The following WBP1L variants were observed in gnomAD, a reference collection of about 807,000 sequenced individuals.
WBP1L encodes WW domain binding protein 1 like, also known as WW domain binding protein 1-like.
WBP1L carries 17 observed loss-of-function variants against 33.7 expected under a neutral mutation model. The observed-to-expected ratio is 0.50, with a 90% CI of 0.34 to 0.76. The LOEUF (loss-of-function observed/expected upper bound fraction) is 0.76, where lower values mean the gene tolerates loss of function less well. Among genes scored for constraint, WBP1L ranks in the 30% least tolerant of loss-of-function variants. The pLI is 0.01. For missense variants in WBP1L, 389 were observed against 469.4 expected (o/e 0.83, Z 1.58); for synonymous variants, 173 against 190.8 (o/e 0.91, Z 0.77).
chr10:102,794,081 C>A (rs777499969), intron 1 of WBP1L, among the ~76,000 whole-genome samples: 1 of 152,190 alleles, frequency 6.6e-6, no homozygotes, highest in Middle Eastern at 3.4e-3. Context: ...CCAGCGAACT[C>A]TTAACTACTT....
In WBP1L at chr10:102,813,254, C is replaced by T. The variant is rs1590197079; in HGVS notation, c.1015C>T (p.Pro339Ser). Residue 339 changes from proline to serine, a missense_variant, in exon 4 of 4, where the codon CCG (proline) becomes TCG (serine). Transcript: ENST00000448841. ...GCCTGGGCACCCGCACCTGCCACGG[C>T]CGCCCGCATGCCTGCTGCTGAACAC... Reference protein sequence around the residue: ...REPGHPHLPRPPACLLLNTIN... With the variant: ...REPGHPHLPRSPACLLLNTIN... 1 of 1,613,050 alleles carries T rather than the reference C, an allele frequency of 6.2e-7. No homozygotes were observed. Among genetic ancestry groups the T allele is most frequent in the East Asian group, 2.2e-5 (1 of 44,860 alleles).
At chr10:102,802,420 G>A (rs1843671297) in intron 2 of WBP1L, among the ~76,000 whole-genome samples, 1 of 147,778 alleles carries the variant, frequency 6.8e-6, no homozygotes. Flanking sequence ...CCCATTGTTA[G>A]CAAGAGCTCA....
chr10:102,756,920 A>C (rs1238751469), intron 1 of WBP1L, among the ~76,000 whole-genome samples: 1 of 149,982 alleles, frequency 6.7e-6, no homozygotes, highest in Non-Finnish European at 1.5e-5. Flanking sequence ...CAGAGTCTCG[A>C]TCTGTTGCCC....
In WBP1L at chr10:102,743,977, G is replaced by C; in HGVS notation, c.-77G>C. On this transcript the variant is annotated 5_prime_UTR_variant, in exon 1 of 4. Transcript: ENST00000448841. Reference sequence around the variant, plus strand: ...AACAGGAAAAGAAGGGAAGAAGGAAGAAGAGGGTAGAGGAGGAGAGGGAGG... The same window carrying C: ...AACAGGAAAAGAAGGGAAGAAGGAACAAGAGGGTAGAGGAGGAGAGGGAGG... 9.0e-7 allele frequency: 1 copy of C among 1,107,234 alleles called. No individual in the cohort carries two copies. The highest frequency in any genetic ancestry group is 1.4e-5 in the South Asian group (1 of 70,992). The allele number at this position is 1,107,234 out of a possible 1,614,324, so 68.6% of individuals were successfully genotyped here.
At chr10:102,791,726 G>A (rs550643238) in intron 1 of WBP1L, among the ~76,000 whole-genome samples, 59 of 152,288 alleles carry the variant, frequency 3.9e-4, no homozygotes, top group African/African-American at 1.3e-3. Context: ...CAAGATATTT[G>A]GTGTCCTGTG....
chr10:102,810,074 C>T lies in WBP1L; in HGVS notation c.355+20C>T, dbSNP rs1482589814. Reference sequence around the variant, plus strand: ...ATTTCAGTACGTACACCCAAGCCCCCATACCCACCCTCAGGAGCTCAGGTG... The same window carrying T: ...ATTTCAGTACGTACACCCAAGCCCCTATACCCACCCTCAGGAGCTCAGGTG... On this transcript the variant is annotated intron_variant, in intron 3 of 3. Coordinates refer to ENST00000448841, the MANE Select transcript of WBP1L (RefSeq NM_001083913.2). 3.1e-6 allele frequency: 5 copies of T among 1,592,782 alleles called. No individual in the cohort carries two copies. The Admixed American group carries it at 5.2e-5, about 17-fold the overall frequency.
intron 1 of WBP1L, among the ~76,000 whole-genome samples, chr10:102,752,490 G>GT (rs1265333409): frequency 1.3e-5 from 2 of 152,070 alleles, no homozygotes; most frequent in Admixed American, 1.3e-4. Context: ...TTGAAAACAC[G>GT]TTTTTTTGAT....
chr10:102,761,126 T>G (rs1333760020), intron 1 of WBP1L, among the ~76,000 whole-genome samples: 9 of 146,502 alleles, frequency 6.1e-5, no homozygotes, highest in Non-Finnish European at 1.2e-4. Flanking sequence ...AGGCTGTTTT[T>G]TTTTTTTTTT....
intron 2 of WBP1L, among the ~76,000 whole-genome samples, chr10:102,806,814 G>A (rs990527562): frequency 1.3e-5 from 2 of 152,164 alleles, no homozygotes; most frequent in Non-Finnish European, 2.9e-5. Context: ...CTTGGTGGAG[G>A]GCAGCTTTGT....
chr10:102,776,879 A>G (rs1164929382), intron 1 of WBP1L, among the ~76,000 whole-genome samples: 1 of 152,018 alleles, frequency 6.6e-6, no homozygotes, highest in Non-Finnish European at 1.5e-5. Context: ...CTTTTAAAGG[A>G]AAGGCTTTCT....
Position 102,816,252 on chromosome 10 carries a change from G to T in WBP1L, c.*2921G>T, listed in dbSNP as rs1480521631. The T allele has an allele frequency of 6.6e-6, 1 of 152,592 alleles. No homozygotes were observed. The highest frequency in any genetic ancestry group is 2.4e-5 in the African/African-American group (1 of 41,424). The allele number at this position is 152,592 out of a possible 1,614,324, so 9.5% of individuals were successfully genotyped here. A position where few individuals can be genotyped will look rare whatever the true frequency, so the allele number is the denominator to read the frequency against. The stretch of plus-strand genomic sequence containing the variant: ...ACTGTGAGAAGCCCAAATAAAAATT[G>T]ATCCCAAAAATGCTACTGCTCTTTC... On this transcript the variant is annotated 3_prime_UTR_variant, in exon 4 of 4. Transcript: ENST00000448841.
intron 1 of WBP1L, among the ~76,000 whole-genome samples, chr10:102,754,259 T>G (rs1320397608): frequency 6.6e-6 from 1 of 152,228 alleles, no homozygotes; most frequent in Non-Finnish European, 1.5e-5. Context: ...TAATTTGTCT[T>G]TAAGTTTTGC....
intron 1 of WBP1L, among the ~76,000 whole-genome samples, chr10:102,787,944 T>C (rs568749781): frequency 2.0e-5 from 3 of 151,098 alleles, no homozygotes; most frequent in Non-Finnish European, 4.4e-5. Context: ...CTGGGCGTGG[T>C]GGTGCACGCC....
intron 1 of WBP1L, among the ~76,000 whole-genome samples, chr10:102,766,058 A>G (rs1843101802): frequency 6.6e-6 from 1 of 152,136 alleles, no homozygotes; most frequent in Non-Finnish European, 1.5e-5. Context: ...TCCAAATTAC[A>G]TCTGGCCGAG....
intron 1 of WBP1L, among the ~76,000 whole-genome samples, chr10:102,758,002 C>T (rs1842998311): frequency 1.2e-5 from 1 of 82,648 alleles, no homozygotes; most frequent in South Asian, 3.4e-4. Flanking sequence ...TCCCCTGCCT[C>T]AGCCTCCTGA....
At chr10:102,804,486 A>T (rs538653073) in intron 2 of WBP1L, among the ~76,000 whole-genome samples, 2 of 151,782 alleles carry the variant, frequency 1.3e-5, no homozygotes, top group Admixed American at 1.3e-4. Context: ...TCCTTTAAAA[A>T]TCTGATGAAC....
intron 1 of WBP1L, among the ~76,000 whole-genome samples, chr10:102,768,153 C>T (rs1159694132): frequency 6.6e-6 from 1 of 152,138 alleles, no homozygotes; most frequent in African/African-American, 2.4e-5. Context: ...TCACTGCAAC[C>T]TCCGCCTCCT....
At chr10:102,808,622 T>C (rs1412353606) in intron 2 of WBP1L, among the ~76,000 whole-genome samples, 1 of 152,230 alleles carries the variant, frequency 6.6e-6, no homozygotes, top group Non-Finnish European at 1.5e-5. Context: ...GATGGAATTG[T>C]ACCCGATTAG....
chr10:102,781,248 G>T lies in WBP1L; in HGVS notation c.91-16745G>T, dbSNP rs1219237738. ...GTGTGATAGCCAGCTAAAGCTGCAG[G>T]GTGGAGCCATGACTGTGGAGAGGGA... On this transcript the variant is annotated intron_variant, in intron 1 of 3. Transcript: ENST00000448841. Among the ~76,000 whole-genome samples, 3 of 152,200 alleles carry T rather than the reference G, an allele frequency of 2.0e-5. No homozygotes were observed. In the East Asian group the frequency reaches 5.8e-4, roughly 29 times the overall value.
Sources: gnomAD v4.1 joint callset for allele counts (sites outside exome capture counted in the v4.1 genomes callset) on GRCh38, gnomAD v4.1.1 for gene constraint, MANE v1.5 for transcripts, NCBI Gene and HGNC (gene_info 2026-07-23, HGNC 2026-07-21) for gene names.